The following NPLOC4 variants were observed in gnomAD, a reference collection of about 807,000 sequenced individuals.
NPLOC4 encodes NPL4 homolog, ubiquitin recognition factor, also known as nuclear protein localization protein 4 homolog.
In NPLOC4, 18 loss-of-function variants were observed where a neutral mutation model predicts 80.6. That is an observed-to-expected ratio of 0.22 (90% confidence interval 0.15 to 0.33). The LOEUF is 0.33. NPLOC4 is among the 10% of genes least tolerant of loss of function. The pLI is 1.00. For missense variants in NPLOC4, 540 were observed against 786.1 expected (o/e 0.69, Z 3.74); for synonymous variants, 313 against 301.5 (o/e 1.04, Z -0.39).
Position 81,608,103 on chromosome 17 carries a change from AG to A in NPLOC4, c.530+624del, listed in dbSNP as rs558215561. On this transcript the variant is annotated intron_variant, in intron 6 of 16. Coordinates refer to ENST00000331134, the MANE Select transcript of NPLOC4 (RefSeq NM_017921.4). ...GTTACCACCTCTGCCCACCTGGCTG[AG>A]CCTGTGGGCAACTACTGTGGTACCA... Among the ~76,000 whole-genome samples the A allele has an allele frequency of 3.3e-3, 508 of 152,326 alleles. 8 individuals carry two copies. Among genetic ancestry groups the A allele is most frequent in the African/African-American group, 0.012 (488 of 41,572 alleles).
chr17:81,611,362 T>A (rs1308007503), intron 4 of NPLOC4, among the ~76,000 whole-genome samples: 1 of 151,884 alleles, frequency 6.6e-6, no homozygotes, highest in Non-Finnish European at 1.5e-5. Context: ...TGTTTTCTTT[T>A]TTTCTGAGAC....
At chr17:81,617,783 C>T (rs2035541154) in intron 3 of NPLOC4, among the ~76,000 whole-genome samples, 3 of 152,132 alleles carry the variant, frequency 2.0e-5, no homozygotes, top group South Asian at 2.1e-4. Flanking sequence ...CTCAGCCTGC[C>T]GAGTGCCTGC....
At chr17:81,618,564 G>A (rs1331901483) in intron 3 of NPLOC4, among the ~76,000 whole-genome samples, 1 of 75,204 alleles carries the variant, frequency 1.3e-5, no homozygotes, top group East Asian at 1.6e-3. Context: ...CCGGCCAGCC[G>A]CCCCGTCCGG....
chr17:81,636,891 G>A, intron 1 of NPLOC4, 25 bp downstream of exon 1: 1 of 1,407,506 alleles, frequency 7.1e-7, no homozygotes, highest in Non-Finnish European at 9.3e-7. Flanking sequence ...CGGCGTCCCC[G>A]CTCCCGCCCG....
chr17:81,585,387 G>A (rs1456202354), intron 12 of NPLOC4, among the ~76,000 whole-genome samples: 1 of 151,790 alleles, frequency 6.6e-6, no homozygotes, highest in Non-Finnish European at 1.5e-5. Context: ...ATCAAGGCCG[G>A]GTGTGGTGGT....
intron 7 of NPLOC4, 52 bp from the exon 8 acceptor site, chr17:81,604,779 C>A: frequency 6.8e-7 from 1 of 1,478,526 alleles, no homozygotes; most frequent in South Asian, 1.2e-5. Context: ...AAAAAGAAAT[C>A]ACTTGTTTTT....
chr17:81,596,392 G>A, intron 10 of NPLOC4, 150 bp from the exon 11 acceptor site: 1 of 833,636 alleles, frequency 1.2e-6, no homozygotes, highest in Non-Finnish European at 1.8e-6. Flanking sequence ...AGGTCCACTT[G>A]AGGACAAGAG....
chr17:81,572,663 T>C lies in NPLOC4; in HGVS notation c.1282-575A>G, dbSNP rs1054829989. ...TGGGACTCCCCACTGGGAGAGCACA[T>C]CAAATGCCTCCTCTCCACCCATGGC... On this transcript the variant is annotated intron_variant, in intron 12 of 16. Transcript: ENST00000331134. This position sits in a 1 kb window ranked among gnomAD's most constrained non-coding sequence, Gnocchi z 4.5. 6.6e-6 allele frequency among the ~76,000 whole-genome samples: 1 copy of C among 152,194 alleles called. No individual in the cohort carries two copies. The highest frequency in any genetic ancestry group is 1.5e-5 in the Non-Finnish European group (1 of 68,036).
intron 13 of NPLOC4, among the ~76,000 whole-genome samples, 182 bp from the exon 14 acceptor site, chr17:81,569,293 G>A (rs558507125): frequency 4.6e-5 from 7 of 152,312 alleles, no homozygotes; most frequent in Non-Finnish European, 1.0e-4. Flanking sequence ...ACGAACACTT[G>A]GAAACTCCGC....
chr17:81,619,038 T>A (rs1204402159), intron 3 of NPLOC4, among the ~76,000 whole-genome samples: 1 of 151,884 alleles, frequency 6.6e-6, no homozygotes, highest in Non-Finnish European at 1.5e-5. Flanking sequence ...CACTCCCTAA[T>A]CTCAAGTACC....
intron 15 of NPLOC4, among the ~76,000 whole-genome samples, chr17:81,565,828 G>A (rs773838258): frequency 6.6e-6 from 1 of 152,178 alleles, no homozygotes; most frequent in African/African-American, 2.4e-5. Context: ...AGGCCCAAGC[G>A]GGCATCTGTG....
At position 81,572,223 on chromosome 17, in the gene NPLOC4, C is replaced by T. The variant is rs1329419041; in HGVS notation, c.1282-135G>A. On this transcript the variant is annotated intron_variant, in intron 12 of 16. Coordinates refer to ENST00000331134, the MANE Select transcript of NPLOC4 (RefSeq NM_017921.4). This position sits in a 1 kb window ranked among gnomAD's most constrained non-coding sequence, Gnocchi z 4.5. ...TTATTTTTTGAGACAGAGTCTTGTGCTGTCGCCCAGGCTGGAATGCAGTGG... is the reference window on the plus strand; with the variant it reads ...TTATTTTTTGAGACAGAGTCTTGTGTTGTCGCCCAGGCTGGAATGCAGTGG... The T allele has an allele frequency of 2.7e-6, 1 of 369,624 alleles. No individual in the cohort carries two copies. The highest frequency in any genetic ancestry group is 4.3e-6 in the Non-Finnish European group (1 of 230,224). 22.9% of individuals were successfully genotyped at this position (369,624 alleles called of 1,614,324 possible).
chr17:81,564,083 AACAC>A (rs58774657), intron 16 of NPLOC4: 18,921 of 271,320 alleles, frequency 0.07, 155 homozygotes, highest in East Asian at 0.13. Context: ...TCCAGCTCAA[AACAC>A]ACACACACAC....
Position 81,636,963 on chromosome 17 carries a change from G to T in NPLOC4, c.-33C>A, listed in dbSNP as rs1189366681. 7.9e-7 allele frequency: 1 copy of T among 1,265,908 alleles called. No homozygotes were observed. Among genetic ancestry groups the T allele is most frequent in the Non-Finnish European group, 1.0e-6 (1 of 1,004,146 alleles). 78.4% of individuals were successfully genotyped at this position (1,265,908 alleles called of 1,614,324 possible). ...GCTCCTGCCTCCGGGCTCGAGCCCC[G>T]GGCCGCCGCCGCCTGCCGCCCCAAG... On this transcript the variant is annotated 5_prime_UTR_variant, in exon 1 of 17. Transcript: ENST00000331134.
intron 11 of NPLOC4, among the ~76,000 whole-genome samples, chr17:81,594,168 G>A (rs545480737): frequency 5.3e-5 from 8 of 150,868 alleles, no homozygotes; most frequent in Non-Finnish European, 8.9e-5. Context: ...CCAGCTACTC[G>A]GGAGGCTGAG....
chr17:81,575,145 G>C (rs1235745915), intron 12 of NPLOC4, among the ~76,000 whole-genome samples: 1 of 152,130 alleles, frequency 6.6e-6, no homozygotes, highest in Non-Finnish European at 1.5e-5. Context: ...TGTCGCCCAG[G>C]CTGGAGTGCA....
Position 81,577,982 on chromosome 17 carries a change from C to G in NPLOC4, c.1282-5894G>C, listed in dbSNP as rs1243374685. 6.6e-6 allele frequency among the ~76,000 whole-genome samples: 1 copy of G among 152,222 alleles called. No homozygotes were observed. Among genetic ancestry groups the G allele is most frequent in the African/African-American group, 2.4e-5 (1 of 41,438 alleles). Reference sequence around the variant, plus strand: ...TTCTACAGCGGGGACCTCCCCTGCCCACCCCATCCGGCTGTCAGCACCTGT... The same window carrying G: ...TTCTACAGCGGGGACCTCCCCTGCCGACCCCATCCGGCTGTCAGCACCTGT... On this transcript the variant is annotated intron_variant, in intron 12 of 16. Transcript: ENST00000331134. This position sits in a 1 kb window ranked among gnomAD's most constrained non-coding sequence, Gnocchi z 4.3.
At chr17:81,595,521 CAT>C (rs200215584) in intron 11 of NPLOC4, among the ~76,000 whole-genome samples, 8 of 104,674 alleles carry the variant, frequency 7.6e-5, no homozygotes, top group African/African-American at 2.6e-4. Flanking sequence ...TATACATATA[CAT>C]ATATATATAT....
chr17:81,565,277 C>T (rs2033974291), intron 16 of NPLOC4: 5 of 698,714 alleles, frequency 7.2e-6, no homozygotes, highest in Middle Eastern at 2.6e-4. Context: ...ATTTACAGGG[C>T]TGTGTACCTA....
Sources: gnomAD v4.1 joint callset for allele counts (sites outside exome capture counted in the v4.1 genomes callset) on GRCh38, gnomAD v4.1.1 for gene constraint, Gnocchi (gnomAD v3.1) non-coding constraint, MANE v1.5 for transcripts, NCBI Gene and HGNC (gene_info 2026-07-23, HGNC 2026-07-21) for gene names.